The following AGMO variants were observed in gnomAD, a reference collection of about 807,000 sequenced individuals.
AGMO encodes alkylglycerol monooxygenase, also known as glyceryl-ether monooxygenase.
In AGMO, 75 loss-of-function variants were observed where a neutral mutation model predicts 60.2. The observed-to-expected ratio is 1.25, with a 90% CI of 1.03 to 1.51. The LOEUF is 1.51. AGMO is among the 40% of genes most tolerant of loss of function. The probability of loss-of-function intolerance (pLI) is 0.00; values close to 1 mark genes in which losing one functional copy is unlikely to be tolerated. For synonymous variants in AGMO, 261 were observed against 177.1 expected (o/e 1.47, Z -3.76); for missense variants, 763 against 525.5 (o/e 1.45, Z -4.42).
the AGMO span, among the ~76,000 whole-genome samples, chr7:15,179,987 A>T: frequency 6.6e-6 from 1 of 152,130 alleles, no homozygotes; most frequent in African/African-American, 2.4e-5. Context: ...CCTATGGGGC[A>T]TTCTCTGGGG....
At chr7:15,485,850 C>A (rs1306580817) in intron 3 of AGMO, among the ~76,000 whole-genome samples, 8 of 151,826 alleles carry the variant, frequency 5.3e-5, no homozygotes, top group African/African-American at 1.9e-4. Context: ...CCTATGTAGA[C>A]CTTCATTTCA....
rs181449155 is a variant in AGMO, at chr7:15,514,245, T to G, written c.409+30527A>C. 2.4e-3 allele frequency among the ~76,000 whole-genome samples: 362 copies of G among 152,308 alleles called. 2 individuals carry two copies. Among genetic ancestry groups the G allele is most frequent in the African/African-American group, 8.4e-3 (348 of 41,554 alleles). ...TCTTTTCGGCTTAGCCCGCTTTTCT[T>G]TTCTCTGTTAAAGTTTCTGAGATTG... On this transcript the variant is annotated intron_variant, in intron 3 of 12. Coordinates refer to ENST00000342526, the MANE Select transcript of AGMO (RefSeq NM_001004320.2).
chr7:15,378,233 A>G (rs945811589), intron 10 of AGMO, among the ~76,000 whole-genome samples: 8 of 152,040 alleles, frequency 5.3e-5, no homozygotes, highest in Non-Finnish European at 8.8e-5. Flanking sequence ...CAGACAGCAC[A>G]TACAAACTTA....
At chr7:15,357,505 CAA>C (rs1047035217) in intron 12 of AGMO, among the ~76,000 whole-genome samples, 18 of 152,070 alleles carry the variant, frequency 1.2e-4, no homozygotes, top group African/African-American at 3.1e-4. Flanking sequence ...CTCTTCAAAT[CAA>C]AAGAGTTTAT....
At chr7:15,260,864 C>G (rs1208080730) in intron 12 of AGMO, among the ~76,000 whole-genome samples, 2 of 151,900 alleles carry the variant, frequency 1.3e-5, no homozygotes, top group Admixed American at 1.3e-4. Context: ...CAAAAGGAAC[C>G]CTCAAAACCA....
At chr7:15,132,130 G>A in the AGMO span, among the ~76,000 whole-genome samples, 1 of 152,068 alleles carries the variant, frequency 6.6e-6, no homozygotes, top group Admixed American at 6.6e-5. Context: ...TGCAGCACTG[G>A]AATTATTACC....
chr7:15,354,448 GTGTGTATA>G (rs1782418048), intron 12 of AGMO, among the ~76,000 whole-genome samples: 2 of 22,250 alleles, frequency 9.0e-5, no homozygotes, highest in Admixed American at 5.4e-4. Flanking sequence ...ATACACACGT[GTGTGTATA>G]CACACGTGTG....
intron 4 of AGMO, among the ~76,000 whole-genome samples, chr7:15,421,359 G>A (rs950756678): frequency 2.6e-5 from 4 of 152,094 alleles, no homozygotes; most frequent in African/African-American, 9.7e-5. Flanking sequence ...TTTAGACAGT[G>A]GCTAAACCAG....
At chr7:15,560,533 T>C (rs1233657797) in intron 1 of AGMO, among the ~76,000 whole-genome samples, 1 of 152,118 alleles carries the variant, frequency 6.6e-6, no homozygotes, top group Admixed American at 6.6e-5. Flanking sequence ...ATAATTATAA[T>C]ATTATAAGAT....
intron 3 of AGMO, among the ~76,000 whole-genome samples, chr7:15,466,563 G>C (rs1782295541): frequency 6.6e-6 from 1 of 152,098 alleles, no homozygotes; most frequent in African/African-American, 2.4e-5. Flanking sequence ...AAATGGACAT[G>C]CAGCATATAA....
intron 3 of AGMO, among the ~76,000 whole-genome samples, chr7:15,458,305 G>A (rs1317686512): frequency 6.6e-6 from 1 of 152,148 alleles, no homozygotes; most frequent in Non-Finnish European, 1.5e-5. Context: ...GGAGGAAAGT[G>A]CTGAGAGGGT....
intron 1 of AGMO, 103 bp from the exon 2 acceptor site, chr7:15,560,374 AG>A: frequency 2.3e-6 from 3 of 1,284,072 alleles, no homozygotes; most frequent in Non-Finnish European, 3.2e-6. Context: ...AGATTTGGGA[AG>A]CCCTGCAGGA....
intron 6 of AGMO, among the ~76,000 whole-genome samples, chr7:15,391,429 A>G (rs1213611289): frequency 5.3e-5 from 8 of 152,138 alleles, no homozygotes; most frequent in Admixed American, 3.3e-4. Context: ...TTCAAAACTC[A>G]TATCATATGT....
At chr7:15,198,223 G>C (rs992344041), downstream of AGMO, among the ~76,000 whole-genome samples, 37 of 111,648 alleles carry the variant, frequency 3.3e-4, no homozygotes, top group South Asian at 3.9e-3. Context: ...GAGAGAGAGA[G>C]AGAGAGAGAG....
intron 3 of AGMO, among the ~76,000 whole-genome samples, chr7:15,501,341 A>G (rs776378509): frequency 6.6e-6 from 1 of 152,046 alleles, no homozygotes; most frequent in Non-Finnish European, 1.5e-5. Flanking sequence ...TGCCTTCATA[A>G]TATTTTAGGC....
chr7:15,362,602 G>C (rs999603342), intron 12 of AGMO, among the ~76,000 whole-genome samples: 1 of 152,102 alleles, frequency 6.6e-6, no homozygotes, highest in Non-Finnish European at 1.5e-5. Flanking sequence ...GCAAGTCCCA[G>C]GCAACATCTA....
intron 4 of AGMO, among the ~76,000 whole-genome samples, chr7:15,422,633 G>A (rs146422132): frequency 5.9e-5 from 9 of 152,164 alleles, no homozygotes; most frequent in African/African-American, 1.4e-4. Context: ...AGATCTTGAG[G>A]AGACAGTGAA....
intron 3 of AGMO, among the ~76,000 whole-genome samples, chr7:15,469,944 A>G (rs1441594171): frequency 6.6e-6 from 1 of 152,092 alleles, no homozygotes; most frequent in African/African-American, 2.4e-5. Flanking sequence ...AAACAAAAGA[A>G]TGGATGATAT....
intron 10 of AGMO, among the ~76,000 whole-genome samples, chr7:15,372,312 A>C (rs563123717): frequency 6.6e-6 from 1 of 152,056 alleles, no homozygotes; most frequent in Admixed American, 6.6e-5. Context: ...TTAGCCAGGC[A>C]TGGTGGCACA....
Sources: gnomAD v4.1 joint callset for allele counts (sites outside exome capture counted in the v4.1 genomes callset) on GRCh38, gnomAD v4.1.1 for gene constraint, MANE v1.5 for transcripts, NCBI Gene and HGNC (gene_info 2026-07-23, HGNC 2026-07-21) for gene names.